The following NREP variants were observed in gnomAD, a reference collection of about 807,000 sequenced individuals.
NREP encodes neuronal regeneration related protein, also known as neuronal regeneration-related protein.
In NREP, 5 loss-of-function variants were observed where a neutral mutation model predicts 8.6. The ratio of observed to expected loss-of-function variants is 0.58; its 90% confidence interval spans 0.30 to 1.22. NREP has a LOEUF of 1.22. Ranked by LOEUF, NREP falls within the 50% of genes most tolerant of loss-of-function variation. NREP has a pLI of 0.07. For synonymous variants in NREP, 27 were observed against 28.0 expected (o/e 0.96, Z 0.11); for missense variants, 86 against 82.5 (o/e 1.04, Z -0.17).
chr5:111,971,990 A>G (rs558970599), intron 2 of NREP, among the ~76,000 whole-genome samples: 189 of 152,326 alleles, frequency 1.2e-3, no homozygotes, highest in Non-Finnish European at 2.4e-3. Flanking sequence ...TGCAAACCAT[A>G]TATTTGATAA....
chr5:111,819,377 G>T (rs1048379944), intron 2 of NREP, among the ~76,000 whole-genome samples: 1 of 152,136 alleles, frequency 6.6e-6, no homozygotes, highest in South Asian at 2.1e-4. Flanking sequence ...CAGCAGTATG[G>T]GCTACCTGTG....
chr5:111,770,744 A>C (rs774521616), intron 2 of NREP, among the ~76,000 whole-genome samples: 1 of 151,234 alleles, frequency 6.6e-6, no homozygotes, highest in Non-Finnish European at 1.5e-5. Flanking sequence ...TAATTTTTGT[A>C]TTTTTTGTAG....
intron 2 of NREP, among the ~76,000 whole-genome samples, chr5:111,793,236 A>G (rs1283100490): frequency 1.3e-5 from 2 of 152,202 alleles, no homozygotes; most frequent in African/African-American, 4.8e-5. Flanking sequence ...ATAGATATAT[A>G]AGAGGAGATT....
intron 2 of NREP, among the ~76,000 whole-genome samples, chr5:111,763,752 G>A (rs559606704): frequency 9.3e-6 from 1 of 107,524 alleles, no homozygotes; most frequent in Admixed American, 9.6e-5. Flanking sequence ...CAGTACGTCT[G>A]TATGTGTGTG....
At chr5:111,773,074 C>A (rs2112874945) in intron 2 of NREP, among the ~76,000 whole-genome samples, 1 of 152,192 alleles carries the variant, frequency 6.6e-6, no homozygotes, top group South Asian at 2.1e-4. Context: ...GCTGTAATCC[C>A]AACAGACAAT....
intron 2 of NREP, among the ~76,000 whole-genome samples, chr5:111,966,566 T>C (rs553726714): frequency 3.3e-5 from 5 of 152,036 alleles, no homozygotes; most frequent in Admixed American, 2.0e-4. Flanking sequence ...AACAAATATA[T>C]AGATTTGATA....
intron 2 of NREP, among the ~76,000 whole-genome samples, chr5:111,781,700 T>G (rs567612590): frequency 6.6e-6 from 1 of 152,332 alleles, no homozygotes; most frequent in East Asian, 1.9e-4. Flanking sequence ...AAATTTGGAC[T>G]AATTCTATTT....
chr5:111,872,204 C>A (rs865938904), intron 2 of NREP, among the ~76,000 whole-genome samples: 13 of 152,076 alleles, frequency 8.5e-5, no homozygotes, highest in Non-Finnish European at 1.5e-4. Flanking sequence ...TCGTTCCAGT[C>A]CAGAGGCCAG....
upstream of NREP, chr5:111,757,998 T>C: frequency 1.0e-6 from 1 of 985,522 alleles, no homozygotes; most frequent in Non-Finnish European, 1.2e-6. Context: ...GCAGCCGCCT[T>C]CCTTTTATGT....
intron 2 of NREP, 89 bp downstream of exon 2, chr5:111,755,681 G>GTTGA: frequency 7.0e-7 from 1 of 1,424,528 alleles, no homozygotes; most frequent in Non-Finnish European, 9.9e-7. Context: ...ACAATGAAGG[G>GTTGA]TTGAGGCGGA....
intron 2 of NREP, among the ~76,000 whole-genome samples, chr5:111,956,756 G>A (rs1756332117): frequency 6.6e-6 from 1 of 152,080 alleles, no homozygotes; most frequent in Non-Finnish European, 1.5e-5. Context: ...TGGAGGCCAT[G>A]AGTTTGAGAT....
intron 2 of NREP, among the ~76,000 whole-genome samples, chr5:111,814,188 G>A (rs565626925): frequency 6.6e-6 from 1 of 152,122 alleles, no homozygotes; most frequent in Non-Finnish European, 1.5e-5. Flanking sequence ...CAAATATAAT[G>A]TCCTTAGATT....
chr5:111,801,961 A>G (rs999204718), intron 2 of NREP, among the ~76,000 whole-genome samples: 1 of 152,190 alleles, frequency 6.6e-6, no homozygotes, highest in Non-Finnish European at 1.5e-5. Context: ...TCTGCAAATG[A>G]CATAGGCAGC....
intron 2 of NREP, among the ~76,000 whole-genome samples, chr5:111,790,551 G>C (rs1039608057): frequency 6.6e-6 from 1 of 151,818 alleles, no homozygotes; most frequent in African/African-American, 2.4e-5. Context: ...CTTGAGTCCA[G>C]GACTTCAGGA....
chr5:111,957,200 T>C (rs1051814780), intron 2 of NREP, among the ~76,000 whole-genome samples: 12 of 151,768 alleles, frequency 7.9e-5, no homozygotes, highest in Admixed American at 6.6e-4. Flanking sequence ...AAATTAAATA[T>C]ATCAGGAATT....
intron 2 of NREP, among the ~76,000 whole-genome samples, chr5:111,753,235 A>G (rs1561648587): frequency 1.3e-5 from 2 of 151,598 alleles, no homozygotes; most frequent in Non-Finnish European, 2.9e-5. Context: ...ACCATGCACA[A>G]CTTTATGTAA....
chr5:111,926,841 G>A (rs545106460), intron 2 of NREP, among the ~76,000 whole-genome samples: 2 of 151,744 alleles, frequency 1.3e-5, no homozygotes, highest in African/African-American at 2.4e-5. Context: ...ATCCATTAAA[G>A]GTGCTGCTCC....
intron 2 of NREP, among the ~76,000 whole-genome samples, chr5:111,798,725 G>C (rs970820890): frequency 6.8e-6 from 1 of 147,784 alleles, no homozygotes. Flanking sequence ...TGGCTGAGTA[G>C]TATTCCATGG....
Position 111,953,251 on chromosome 5 carries a change from A to G in NREP, c.135+22023T>C, listed in dbSNP as rs184214298. 2.0e-5 allele frequency among the ~76,000 whole-genome samples: 3 copies of G among 152,232 alleles called. No homozygotes were observed. In the East Asian group the frequency reaches 5.8e-4, roughly 30 times the overall value. Reference sequence around the variant, plus strand: ...ATAGGCTCAAAGCCCTGTCAAGCACAAACTTCTCAGATGGGCAGTGCACAA... The same window carrying G: ...ATAGGCTCAAAGCCCTGTCAAGCACGAACTTCTCAGATGGGCAGTGCACAA... On this transcript the variant is annotated intron_variant, in intron 2 of 3. Transcript: ENST00000395634.
Sources: gnomAD v4.1 joint callset for allele counts (sites outside exome capture counted in the v4.1 genomes callset) on GRCh38, gnomAD v4.1.1 for gene constraint, MANE v1.5 for transcripts, NCBI Gene and HGNC (gene_info 2026-07-23, HGNC 2026-07-21) for gene names.